Variants in PHLDB3 observed in about 807,000 individuals in gnomAD.
PHLDB3 encodes the protein pleckstrin homology like domain family B member 3, also known as pleckstrin homology-like domain family B member 3.
PHLDB3 carries 86 observed loss-of-function variants against 85.7 expected under a neutral mutation model. The ratio of observed to expected loss-of-function variants is 1.00; its 90% CI spans 0.84 to 1.20. The LOEUF (loss-of-function observed/expected upper bound fraction) is 1.20. Ranked by LOEUF, PHLDB3 falls within the 50% of genes most tolerant of loss-of-function variation. The pLI is 0.00. For synonymous variants in PHLDB3, 376 were observed against 349.8 expected (o/e 1.07, Z -0.83); for missense variants, 995 against 873.0 (o/e 1.14, Z -1.76).
chr19:43,504,041 C>G lies in PHLDB3; in HGVS notation c.78G>C (p.Gln26His). 6.2e-7 allele frequency: 1 copy of G among 1,613,868 alleles called. No individual in the cohort carries two copies. Among genetic ancestry groups the G allele is most frequent in the Middle Eastern group, 1.7e-4 (1 of 6,054 alleles). ...VPECDVEVQP[Q>H]GHPEESREQE... ...GTTCCCGGGACTCCTCGGGATGGCC[C>G]TGGGGCTGGACCTCCACGTCGCATT... The change falls in exon 2 of 16, where the codon CAG (glutamine) becomes CAC (histidine). Residue 26 changes from glutamine to histidine, a missense_variant. Transcript: ENST00000292140.
In PHLDB3 at chr19:43,504,055, C is replaced by G; in HGVS notation, c.64G>C (p.Glu22Gln). 6.2e-7 allele frequency: 1 copy of G among 1,613,722 alleles called. No homozygotes were observed. The highest frequency in any genetic ancestry group is 8.5e-7 in the Non-Finnish European group (1 of 1,179,764). The change falls in exon 2 of 16, where the codon GAG becomes CAG. Residue 22 changes from glutamate (E) to glutamine (Q), a missense_variant. Glu to Gln is a conservative substitution (Grantham distance 29, BLOSUM62 2). Coordinates refer to ENST00000292140, the MANE Select transcript of PHLDB3 (RefSeq NM_198850.4). Reference protein sequence around the residue: ...PPPLVPECDVEVQPQGHPEES... With the variant: ...PPPLVPECDVQVQPQGHPEES... The stretch of plus-strand genomic sequence containing the variant: ...TCGGGATGGCCCTGGGGCTGGACCT[C>G]CACGTCGCATTCCGGGACCAGCGGC...
At chr19:43,504,222 C>CA (rs1318852833) in intron 1 of PHLDB3, 90 bp from the exon 2 acceptor site, 1 of 1,195,918 alleles carries the variant, frequency 8.4e-7, no homozygotes, top group Non-Finnish European at 1.1e-6. Context: ...GGAGACCCCC[C>CA]CCCAAGGAGG....
chr19:43,482,758 G>A (rs564393703), intron 13 of PHLDB3, among the ~76,000 whole-genome samples: 100 of 152,052 alleles, frequency 6.6e-4, no homozygotes, highest in Non-Finnish European at 1.1e-3. Flanking sequence ...GGCTGGTCTC[G>A]AACTCCTGAC....
intron 9 of PHLDB3, among the ~76,000 whole-genome samples, chr19:43,492,763 A>G (rs1000993444): frequency 6.6e-6 from 1 of 152,222 alleles, no homozygotes; most frequent in African/African-American, 2.4e-5. Context: ...CATGGAAACA[A>G]GAACCTAGCT....
intron 9 of PHLDB3, among the ~76,000 whole-genome samples, chr19:43,489,373 T>G (rs554313186): frequency 1.4e-5 from 2 of 144,950 alleles, no homozygotes; most frequent in South Asian, 4.3e-4. Flanking sequence ...CTTAAAGTTT[T>G]TTTTTTTTTT....
In PHLDB3 at chr19:43,496,871, G is replaced by A. The variant is rs546784735; in HGVS notation, c.825+247C>T. ...GACCTTCAGCTTCTTTATTTATAAC[G>A]TGAAAAAAAAAAAACGTAATAGAAC... On this transcript the variant is annotated intron_variant, in intron 6 of 15. Coordinates refer to ENST00000292140, the MANE Select transcript of PHLDB3 (RefSeq NM_198850.4). The A allele has an allele frequency of 4.2e-5, 19 of 447,768 alleles. No homozygotes were observed. The South Asian group carries it at 4.4e-4, about 10-fold the overall frequency. The allele number at this position is 447,768 out of a possible 1,614,324, so 27.7% of individuals were successfully genotyped here.
At chr19:43,488,407 A>C (rs902022098) in intron 9 of PHLDB3, among the ~76,000 whole-genome samples, 2 of 152,160 alleles carry the variant, frequency 1.3e-5, no homozygotes, top group East Asian at 3.9e-4. Context: ...CAGGGAGCTG[A>C]GATTGTGCCA....
chr19:43,498,205 A>C (rs1337277155), intron 4 of PHLDB3, among the ~76,000 whole-genome samples: 2 of 151,744 alleles, frequency 1.3e-5, no homozygotes, highest in Non-Finnish European at 2.9e-5. Flanking sequence ...GGAGTGTGTT[A>C]GTGCACGCCT....
At chr19:43,495,198 G>T in intron 8 of PHLDB3, 58 bp downstream of exon 8, 2 of 1,521,286 alleles carry the variant, frequency 1.3e-6, no homozygotes, top group East Asian at 2.3e-5. Context: ...GAGGGGCTGG[G>T]GACTGGACTT....
chr19:43,477,973 G>A, intron 15 of PHLDB3, 74 bp downstream of exon 15: 1 of 1,249,156 alleles, frequency 8.0e-7, no homozygotes, highest in East Asian at 2.4e-5. Flanking sequence ...CCCAGGATGA[G>A]CCAGGGATGA....
At position 43,494,719 on chromosome 19, in the gene PHLDB3, C is replaced by T. The variant is rs1187512367; in HGVS notation, c.1132G>A (p.Val378Ile). ...ATPTSSCLFSVHSSLQGSIGL... is the reference protein window; with the variant it reads ...ATPTSSCLFSIHSSLQGSIGL... ...GGAGGCACCTGCAGGGAGCTGTGGA[C>T]AGAAAAGAGGCAGGAAGAAGTAGGG... The change falls in exon 9 of 16, where the codon GTC becomes ATC. Residue 378 changes from valine (V) to isoleucine (I), a missense_variant. Coordinates refer to ENST00000292140, the MANE Select transcript of PHLDB3 (RefSeq NM_198850.4). 4.3e-6 allele frequency: 7 copies of T among 1,612,438 alleles called. No homozygotes were observed. Among genetic ancestry groups the T allele is most frequent in the Non-Finnish European group, 5.1e-6 (6 of 1,179,404 alleles).
In PHLDB3 at chr19:43,479,424, C is replaced by A. The variant is rs377268422; in HGVS notation, c.1655G>T (p.Arg552Leu). Reference protein sequence around the residue: ...MGGRIKTWRKRWFCFDRQARR... With the variant: ...MGGRIKTWRKLWFCFDRQARR... ...GGCTTGGCGGTCAAAGCAGAACCAT[C>A]GCTTCCTCCAGGTCTTGATGCGGCC... The change falls in exon 14 of 16, where the codon CGA (arginine) becomes CTA (leucine). Residue 552 changes from arginine to leucine, a missense_variant. Coordinates refer to ENST00000292140, the MANE Select transcript of PHLDB3 (RefSeq NM_198850.4). 4 of 1,566,622 alleles carry A rather than the reference C, an allele frequency of 2.6e-6. No individual in the cohort carries two copies. The highest frequency in any genetic ancestry group is 2.4e-5 in the South Asian group (2 of 85,026).
chr19:43,476,230 GTTAT>G (rs2122443677), intron 15 of PHLDB3, among the ~76,000 whole-genome samples: 1 of 152,254 alleles, frequency 6.6e-6, no homozygotes, highest in Non-Finnish European at 1.5e-5. Context: ...TCTAGAATCC[GTTAT>G]TTGAGTACCC....
rs977831093 is a variant in PHLDB3 at position 43,479,499 on chromosome 19, T to C, written c.1580A>G (p.His527Arg). 7.1e-7 allele frequency: 1 copy of C among 1,417,968 alleles called. No homozygotes were observed. The highest frequency in any genetic ancestry group is 1.5e-5 in the African/African-American group (1 of 67,884). The allele number at this position is 1,417,968 out of a possible 1,614,324, so 87.8% of individuals were successfully genotyped here. ...GCAGCAGCACCCAGACACCTGCACATGTGGGCAGTTTTCCGGGTTGTGGCC... is the reference window on the plus strand; with the variant it reads ...GCAGCAGCACCCAGACACCTGCACACGTGGGCAGTTTTCCGGGTTGTGGCC... ...GWGHNPENCP[H>R]VQVSGCCCRG... The change falls in exon 14 of 16, where the codon CAT becomes CGT. Residue 527 changes from histidine to arginine, a missense_variant. By Grantham distance (29) the His-to-Arg change is conservative (BLOSUM62 0). Transcript: ENST00000292140.
In PHLDB3 at chr19:43,495,712, C is replaced by A. The variant is rs1971441489; in HGVS notation, c.826-92G>T. The A allele has an allele frequency of 2.1e-5, 31 of 1,477,668 alleles. 2 individuals are homozygous for A. The South Asian group carries it at 3.9e-4, about 19-fold the overall frequency. The allele number at this position is 1,477,668 out of a possible 1,614,324, so 91.5% of individuals were successfully genotyped here. ...TCTGCCTGGAGGGCTGGGGTTTACT[C>A]CAGCCACTCCCAGAGACCATGGGAT... On this transcript the variant is annotated intron_variant, in intron 6 of 15. Coordinates refer to ENST00000292140, the MANE Select transcript of PHLDB3 (RefSeq NM_198850.4).
intron 2 of PHLDB3, among the ~76,000 whole-genome samples, chr19:43,502,595 C>G (rs1971638724): frequency 6.7e-6 from 1 of 149,550 alleles, no homozygotes; most frequent in African/African-American, 2.5e-5. Flanking sequence ...ACTACAGGCG[C>G]GCACCGCCAC....
intron 9 of PHLDB3, among the ~76,000 whole-genome samples, chr19:43,493,133 G>A (rs1466800962): frequency 1.3e-5 from 2 of 151,872 alleles, no homozygotes; most frequent in African/African-American, 2.4e-5. Flanking sequence ...ACAAAAATTA[G>A]CCAGGCTTGG....
chr19:43,497,319 C>CTGGGGTCT, intron 5 of PHLDB3, 40 bp from the exon 6 acceptor site: 1 of 1,373,438 alleles, frequency 7.3e-7, no homozygotes, highest in Non-Finnish European at 9.5e-7. Flanking sequence ...GCCTGAATCC[C>CTGGGGTCT]TAAGACCCCA....
chr19:43,494,950 T>G, intron 8 of PHLDB3, 135 bp from the exon 9 acceptor site: 1 of 672,216 alleles, frequency 1.5e-6, no homozygotes, highest in Non-Finnish European at 2.6e-6. Flanking sequence ...TGGAATGTGG[T>G]CCTTCGTGTC....
Sources: allele counts gnomAD v4.1 joint callset (sites outside exome capture counted in the v4.1 genomes callset), GRCh38; gene constraint gnomAD v4.1.1; transcripts MANE v1.5; gene names NCBI Gene and HGNC (gene_info 2026-07-23, HGNC 2026-07-21).